REXO2: variants seen among roughly 807,000 people sequenced by gnomAD.
REXO2 encodes oligoribonuclease, mitochondrial.
Under a neutral mutation model 30.9 loss-of-function variants are expected in REXO2, and 17 were observed. That is an observed-to-expected ratio of 0.55 (90% CI 0.38 to 0.82). The LOEUF (loss-of-function observed/expected upper bound fraction) is 0.82. Ranked by LOEUF, REXO2 falls within the 40% of genes least tolerant of loss-of-function variation. REXO2 has a pLI of 0.00. For synonymous variants in REXO2, 105 were observed against 99.6 expected, an observed-to-expected ratio of 1.05 and a Z score of -0.32; for missense variants, 253 against 293.2, an observed-to-expected ratio of 0.86 and a Z score of 1.00.
In REXO2 at chr11:114,447,745, T is replaced by C. The variant is rs1946518281; in HGVS notation, c.531-81T>C. 17 of 1,194,986 alleles carry C rather than the reference T, an allele frequency of 1.4e-5. No individual in the cohort carries two copies. The South Asian group carries it at 2.3e-4, about 16-fold the overall frequency. 74.0% of individuals were successfully genotyped at this position (1,194,986 alleles called of 1,614,324 possible). ...CATGACTCAAATGCCATTTTCAATG[T>C]TAATGGATTACTTGAAGGAGGTAAT... On this transcript the variant is annotated intron_variant, in intron 5 of 6. Coordinates refer to ENST00000265881, the MANE Select transcript of REXO2 (RefSeq NM_015523.4).
At chr11:114,439,825 C>T (rs1239671802) in intron 1 of REXO2, 150 bp downstream of exon 1, 3 of 922,206 alleles carry the variant, frequency 3.3e-6, no homozygotes, top group Non-Finnish European at 1.6e-6. Flanking sequence ...AGGGCAAGTC[C>T]GGAGGCAGGA....
chr11:114,443,835 G>C, intron 2 of REXO2, 21 bp from the exon 3 acceptor site: 1 of 1,583,202 alleles, frequency 6.3e-7, no homozygotes. Context: ...CTTGGTGACT[G>C]ATGGCGTTTC....
intron 1 of REXO2, 113 bp downstream of exon 1, chr11:114,439,788 G>C: frequency 7.5e-7 from 1 of 1,329,854 alleles, no homozygotes; most frequent in Non-Finnish European, 9.9e-7. Flanking sequence ...GGTGTGGCAG[G>C]TGAGCGCGGC....
In REXO2 at chr11:114,447,850, A is replaced by G. The variant is rs1946518870; in HGVS notation, c.555A>G (p.Glu185=). 6.2e-7 allele frequency: 1 copy of G among 1,613,698 alleles called. No individual in the cohort carries two copies. ...LCRRWYPEEY[E]FAPKKAASHR... ...GACGCTGGTATCCAGAAGAATATGA[A>G]TTTGCACCAAAGAAGGCTGCTTCTC... Residue 185 remains glutamate (E), a synonymous_variant, in exon 6 of 7, where the codon GAA becomes GAG. Coordinates refer to ENST00000265881, the MANE Select transcript of REXO2 (RefSeq NM_015523.4).
At chr11:114,441,615 A>G (rs916456571) in intron 2 of REXO2, 4 of 639,214 alleles carry the variant, frequency 6.3e-6, no homozygotes, top group Non-Finnish European at 1.1e-5. Context: ...GAATAGGAAC[A>G]AAGTAGGGAT....
chr11:114,447,782 T>C, intron 5 of REXO2, 44 bp from the exon 6 acceptor site: 3 of 1,543,608 alleles, frequency 1.9e-6, no homozygotes, highest in Non-Finnish European at 2.7e-6. Context: ...GTTCAGTATA[T>C]TTGAGACAGC....
intron 1 of REXO2, chr11:114,440,114 T>C: frequency 2.1e-6 from 1 of 466,384 alleles, no homozygotes; most frequent in Non-Finnish European, 4.3e-6. Context: ...GTGAGAACAT[T>C]GAGGCCCACA....
chr11:114,443,729 T>TA lies in REXO2; in HGVS notation c.232-124dup, dbSNP rs1946494790. On this transcript the variant is annotated intron_variant, in intron 2 of 6. Transcript: ENST00000265881. ...AGTGCTGGAATGAAGGGGGAACACTTAAAGTATCCTTATCTCTTACTTTCT... is the reference window on the plus strand; with the variant it reads ...AGTGCTGGAATGAAGGGGGAACACTTAAAAGTATCCTTATCTCTTACTTTCT... The TA allele has an allele frequency of 3.6e-5, 24 of 659,788 alleles. No homozygotes were observed. The South Asian group carries it at 4.3e-4, about 12-fold the overall frequency. The allele number at this position is 659,788 out of a possible 1,614,324, so 40.9% of individuals were successfully genotyped here.
chr11:114,446,427 T>C (rs1440332717), intron 5 of REXO2: 6 of 173,180 alleles, frequency 3.5e-5, no homozygotes, highest in Non-Finnish European at 7.3e-5. Context: ...GATCGACATA[T>C]GTGTAAAAAA....
At chr11:114,449,659 G>C (rs1471278920) in intron 6 of REXO2, among the ~76,000 whole-genome samples, 187 bp from the exon 7 acceptor site, 1 of 152,026 alleles carries the variant, frequency 6.6e-6, no homozygotes, top group East Asian at 1.9e-4. Context: ...TTTGTCAAAA[G>C]TTTTTAAAAA....
At chr11:114,449,743 A>G (rs1946533560) in intron 6 of REXO2, 103 bp from the exon 7 acceptor site, 1 of 1,118,638 alleles carries the variant, frequency 8.9e-7, no homozygotes, top group East Asian at 2.6e-5. Flanking sequence ...CACTTACAGT[A>G]ACATCCATTG....
chr11:114,450,112 G>A lies in REXO2; in HGVS notation c.*137G>A, dbSNP rs954408056. 1.5e-5 allele frequency: 12 copies of A among 811,980 alleles called. No homozygotes were observed. The highest frequency in any genetic ancestry group is 8.8e-5 in the African/African-American group (5 of 56,778). The allele number at this position is 811,980 out of a possible 1,614,324, so 50.3% of individuals were successfully genotyped here. ...TTGATTACTCAAGCAGACAGCACACGAAATACTATTTTTCTCCTAATATGC... is the reference window on the plus strand; with the variant it reads ...TTGATTACTCAAGCAGACAGCACACAAAATACTATTTTTCTCCTAATATGC... On this transcript the variant is annotated 3_prime_UTR_variant, in exon 7 of 7. Coordinates refer to ENST00000265881, the MANE Select transcript of REXO2 (RefSeq NM_015523.4).
intron 2 of REXO2, among the ~76,000 whole-genome samples, chr11:114,442,700 G>T (rs1158241271): frequency 2.0e-5 from 3 of 152,040 alleles, no homozygotes; most frequent in Non-Finnish European, 4.4e-5. Flanking sequence ...TGAGGGAAGG[G>T]GTACAGTTTA....
At chr11:114,444,731 C>T (rs541911907) in intron 4 of REXO2, 79 bp downstream of exon 4, 33 of 830,220 alleles carry the variant, frequency 4.0e-5, no homozygotes, top group Middle Eastern at 2.7e-4. Flanking sequence ...AAAGACTAGC[C>T]GAGCCCATCC....
intron 2 of REXO2, among the ~76,000 whole-genome samples, chr11:114,441,395 A>C (rs1161194279): frequency 6.6e-6 from 1 of 152,222 alleles, no homozygotes; most frequent in Non-Finnish European, 1.5e-5. Context: ...ACACCCGTAA[A>C]GTGTTCTGTT....
intron 4 of REXO2, chr11:114,445,183 C>A (rs774492539): frequency 2.0e-5 from 3 of 152,158 alleles, no homozygotes; most frequent in Non-Finnish European, 4.4e-5. Context: ...AGGATTCAGT[C>A]AAGGCTCGTG....
rs73554102 is a variant in REXO2 at position 114,440,867 on chromosome 11, G to C, written c.231+128G>C. 1.4e-3 allele frequency: 896 copies of C among 647,686 alleles called. 4 individuals are homozygous for C. In the African/African-American group the frequency reaches 0.015, roughly 11 times the overall value. 40.1% of individuals were successfully genotyped at this position (647,686 alleles called of 1,614,324 possible). ...CTATATGGGTTAAGGTAATGTGCTA[G>C]GTCATGGTAGGGGTGGTACTAGAAC... On this transcript the variant is annotated intron_variant, in intron 2 of 6. Coordinates refer to ENST00000265881, the MANE Select transcript of REXO2 (RefSeq NM_015523.4).
chr11:114,446,074 A>G lies in REXO2; in HGVS notation c.517A>G (p.Lys173Glu). 6.4e-7 allele frequency: 1 copy of G among 1,563,410 alleles called. No homozygotes were observed. The change falls in exon 5 of 7, where the codon AAA (lysine) becomes GAA (glutamate). Residue 173 changes from lysine to glutamate, a missense_variant. By Grantham distance (56) the Lys-to-Glu change is moderately conservative. Coordinates refer to ENST00000265881, the MANE Select transcript of REXO2 (RefSeq NM_015523.4). ...TAGAATAATTGATGTGAGCACTGTT[A>G]AAGAACTGTGCAGGTAAGGGCTATA... The part of the protein sequence containing the change: ...HYRIIDVSTV[K>E]ELCRRWYPEE...
chr11:114,446,420 C>T (rs1000059453), intron 5 of REXO2: 41 of 177,840 alleles, frequency 2.3e-4, no homozygotes, highest in Non-Finnish European at 1.5e-4. Context: ...AATAGTGGAT[C>T]GACATATGTG....
Sources: gnomAD v4.1 joint callset for allele counts (sites outside exome capture counted in the v4.1 genomes callset) on GRCh38, gnomAD v4.1.1 for gene constraint, MANE v1.5 for transcripts, NCBI Gene and HGNC (gene_info 2026-07-23, HGNC 2026-07-21) for gene names.